WDFY4: variants seen among roughly 807,000 people sequenced by gnomAD.
WDFY4 encodes WDFY family member 4, also known as WD repeat- and FYVE domain-containing protein 4.
Under a neutral mutation model 351.9 loss-of-function variants are expected in WDFY4, and 169 were observed. That is an observed-to-expected ratio of 0.48 (90% CI 0.42 to 0.55). The LOEUF is 0.55. Ranked by LOEUF, WDFY4 falls within the 20% of genes least tolerant of loss-of-function variation. WDFY4 has a pLI of 0.00. For missense variants in WDFY4, 3,803 were observed against 3,935.6 expected, an observed-to-expected ratio of 0.97 and a Z score of 0.90; for synonymous variants, 1,622 against 1,574.6, an observed-to-expected ratio of 1.03 and a Z score of -0.71.
intron 43 of WDFY4, among the ~76,000 whole-genome samples, chr10:48,881,207 C>A (rs1374496575): frequency 6.6e-6 from 1 of 152,204 alleles, no homozygotes; most frequent in Non-Finnish European, 1.5e-5. Context: ...AGGATTTGTT[C>A]TCACTCTCCC....
intron 47 of WDFY4, chr10:48,910,819 G>T: frequency 1.4e-6 from 1 of 699,606 alleles, no homozygotes; most frequent in Non-Finnish European, 1.8e-6. Flanking sequence ...TGAGGACCAA[G>T]CATGGCAAGA....
At chr10:48,914,018 A>T in intron 47 of WDFY4, 2 of 1,614,212 alleles carry the variant, frequency 1.2e-6, no homozygotes, top group South Asian at 2.2e-5. Context: ...TAAGGCGCAG[A>T]ATACACTTGG....
chr10:48,860,996 A>G (rs2069320661), intron 39 of WDFY4, among the ~76,000 whole-genome samples: 2 of 152,102 alleles, frequency 1.3e-5, no homozygotes, highest in African/African-American at 4.8e-5. Context: ...TGTTGGGTGA[A>G]GTTGGCTACC....
At chr10:48,725,388 T>C (rs1487359383) in intron 5 of WDFY4, among the ~76,000 whole-genome samples, 1 of 150,368 alleles carries the variant, frequency 6.7e-6, no homozygotes, top group East Asian at 1.9e-4. Context: ...GAGAGGGAGG[T>C]TTTGCAAGTC....
intron 23 of WDFY4, among the ~76,000 whole-genome samples, chr10:48,794,580 G>A (rs1464923977): frequency 6.6e-6 from 1 of 152,050 alleles, no homozygotes; most frequent in Non-Finnish European, 1.5e-5. Context: ...AGAGAAGAAG[G>A]TTGAGGGGGA....
At chr10:48,699,549 C>A (rs1345901416) in intron 1 of WDFY4, among the ~76,000 whole-genome samples, 1 of 152,176 alleles carries the variant, frequency 6.6e-6, no homozygotes, top group Non-Finnish European at 1.5e-5. Context: ...GCAGACAGAT[C>A]TGGACCTCAG....
In WDFY4 at chr10:48,890,639, C is replaced by A. The variant is rs1193907292; in HGVS notation, c.7228C>A (p.Leu2410Ile). 2.6e-6 allele frequency: 4 copies of A among 1,551,716 alleles called. No individual in the cohort carries two copies. The highest frequency in any genetic ancestry group is 3.9e-5 in the Admixed American group (2 of 51,000). The change falls in exon 44 of 62, where the codon CTT becomes ATT. Residue 2410 changes from leucine (L) to isoleucine (I), a missense_variant. Leu to Ile is a conservative substitution (Grantham distance 5). Coordinates refer to ENST00000325239, the MANE Select transcript of WDFY4 (RefSeq NM_001394531.1). ...CCACCTGGTGTCAGAAGGGGTCCTGCTTTTTGGCCACCAACACTTCTACAT... is the reference window on the plus strand; with the variant it reads ...CCACCTGGTGTCAGAAGGGGTCCTGATTTTTGGCCACCAACACTTCTACAT... ...QGHLVSEGVL[L>I]FGHQHFYICE...
At chr10:48,822,558 G>A (rs201238780) in intron 35 of WDFY4, 21 bp downstream of exon 35, 25 of 1,508,590 alleles carry the variant, frequency 1.7e-5, no homozygotes, top group African/African-American at 6.9e-5. Context: ...CTCACTGACC[G>A]GGTATCTGTG....
At position 48,774,679 on chromosome 10, in the gene WDFY4, C is replaced by A; in HGVS notation, c.2768+7C>A. 1 of 1,551,626 alleles carries A rather than the reference C, an allele frequency of 6.4e-7. No homozygotes were observed. Among genetic ancestry groups the A allele is most frequent in the Non-Finnish European group, 8.7e-7 (1 of 1,146,934 alleles). On this transcript the variant is annotated splice_region_variant and intron_variant, in intron 14 of 61. Coordinates refer to ENST00000325239, the MANE Select transcript of WDFY4 (RefSeq NM_001394531.1). The stretch of plus-strand genomic sequence containing the variant: ...TTGAACCGGATGTGCTAAGGTACCA[C>A]ATGCTGCATATTCAGTGCCGCCAAG...
chr10:48,774,649 G>A lies in WDFY4; in HGVS notation c.2745G>A (p.Gln915=). 1 of 1,551,760 alleles carries A rather than the reference G, an allele frequency of 6.4e-7. No individual in the cohort carries two copies. The change falls in exon 14 of 62, where the codon CAG becomes CAA. Residue 915 remains glutamine (Q), a synonymous_variant. Coordinates refer to ENST00000325239, the MANE Select transcript of WDFY4 (RefSeq NM_001394531.1). ...LIRIFEKLAS[Q]AIEPDVLRQF... Reference sequence around the variant, plus strand: ...GGATCTTTGAGAAGCTCGCTTCCCAGGCCATTGAACCGGATGTGCTAAGGT... The same window carrying A: ...GGATCTTTGAGAAGCTCGCTTCCCAAGCCATTGAACCGGATGTGCTAAGGT...
intron 56 of WDFY4, among the ~76,000 whole-genome samples, chr10:48,969,885 C>T (rs902299771): frequency 2.6e-5 from 4 of 152,224 alleles, no homozygotes; most frequent in East Asian, 1.9e-4. Flanking sequence ...GCTAAGCCAC[C>T]CCGTGCTGGT....
At chr10:48,710,811 G>A (rs866278587) in intron 2 of WDFY4, among the ~76,000 whole-genome samples, 2 of 152,222 alleles carry the variant, frequency 1.3e-5, no homozygotes, top group Non-Finnish European at 2.9e-5. Context: ...CGCATCTACT[G>A]GGTCTGCACT....
chr10:48,758,096 A>G (rs2065389639), intron 12 of WDFY4, among the ~76,000 whole-genome samples: 1 of 152,128 alleles, frequency 6.6e-6, no homozygotes, highest in Admixed American at 6.5e-5. Context: ...CCATCTGAAG[A>G]AATTTTAAAA....
intron 2 of WDFY4, among the ~76,000 whole-genome samples, chr10:48,718,741 C>T (rs1319014222): frequency 6.6e-6 from 1 of 152,224 alleles, no homozygotes; most frequent in Non-Finnish European, 1.5e-5. Flanking sequence ...CCTACTTAGC[C>T]AGTTCTACAA....
chr10:48,720,260 T>C, intron 3 of WDFY4, 135 bp downstream of exon 3: 1 of 889,636 alleles, frequency 1.1e-6, no homozygotes, highest in South Asian at 1.7e-5. Flanking sequence ...TAGGCCCCAC[T>C]CTGCCACTGA....
At chr10:48,721,231 GT>G in intron 3 of WDFY4, 29 bp from the exon 4 acceptor site, 1 of 1,543,326 alleles carries the variant, frequency 6.5e-7, no homozygotes, top group Non-Finnish European at 8.8e-7. Flanking sequence ...GCAGGTCGCT[GT>G]ATGCCCTGCT....
At chr10:48,848,134 G>C (rs951818469) in intron 39 of WDFY4, among the ~76,000 whole-genome samples, 1 of 152,080 alleles carries the variant, frequency 6.6e-6, no homozygotes, top group Non-Finnish European at 1.5e-5. Flanking sequence ...CCTGAGCCCC[G>C]ACCATAGCTT....
chr10:48,852,166 G>A (rs2068976977), intron 39 of WDFY4, among the ~76,000 whole-genome samples: 1 of 152,130 alleles, frequency 6.6e-6, no homozygotes, highest in African/African-American at 2.4e-5. Context: ...CCCTGAGTAT[G>A]ACAACTTTCC....
chr10:48,951,481 C>G (rs2133800880), intron 51 of WDFY4, among the ~76,000 whole-genome samples: 1 of 152,276 alleles, frequency 6.6e-6, no homozygotes, highest in Non-Finnish European at 1.5e-5. Flanking sequence ...GTGGCATGAT[C>G]ATAGTTCATA....
Sources: gnomAD v4.1 joint callset for allele counts (sites outside exome capture counted in the v4.1 genomes callset) on GRCh38, gnomAD v4.1.1 for gene constraint, MANE v1.5 for transcripts, NCBI Gene and HGNC (gene_info 2026-07-23, HGNC 2026-07-21) for gene names.